ASTN2: variants seen among roughly 807,000 people sequenced by gnomAD.
ASTN2 encodes the protein astrotactin 2.
In ASTN2, 54 loss-of-function variants were observed where a neutral mutation model predicts 139.8. The observed-to-expected ratio is 0.39, with a 90% confidence interval of 0.31 to 0.48. The LOEUF is 0.48. ASTN2 is among the 20% of genes least tolerant of loss of function. The probability of loss-of-function intolerance (pLI) is 0.95; values close to 1 mark genes in which losing one functional copy is unlikely to be tolerated. For synonymous variants in ASTN2, 756 were observed against 719.5 expected (o/e 1.05, Z -0.81); for missense variants, 1,565 against 1,725.1 (o/e 0.91, Z 1.64).
chr9:117,199,848 C>T (rs1273118753), intron 3 of ASTN2, among the ~76,000 whole-genome samples: 1 of 151,892 alleles, frequency 6.6e-6, no homozygotes, highest in East Asian at 1.9e-4. Context: ...CCTTCACATC[C>T]CTTCTTAGCT....
chr9:116,618,701 GAATTTC>G (rs1205049519), intron 18 of ASTN2, among the ~76,000 whole-genome samples: 2 of 152,156 alleles, frequency 1.3e-5, no homozygotes, highest in African/African-American at 4.8e-5. Context: ...GATCAAAGTA[GAATTTC>G]ATAAATTAAT....
chr9:116,957,717 T>C (rs1189010417), intron 10 of ASTN2, among the ~76,000 whole-genome samples: 3 of 152,210 alleles, frequency 2.0e-5, no homozygotes, highest in African/African-American at 7.2e-5. Context: ...TCTGTTGCTC[T>C]GTCACCAGGC....
chr9:117,100,142 C>A (rs1427421543), intron 4 of ASTN2, among the ~76,000 whole-genome samples: 1 of 152,230 alleles, frequency 6.6e-6, no homozygotes, highest in Admixed American at 6.5e-5. Context: ...TTAGCAAGAT[C>A]TTTGTGACTC....
Position 116,465,904 on chromosome 9 carries a change from C to A in ASTN2, c.3497+21455G>T, listed in dbSNP as rs187086660. Among the ~76,000 whole-genome samples the A allele has an allele frequency of 2.6e-5, 4 of 152,278 alleles. No homozygotes were observed. The East Asian group carries it at 7.7e-4, about 29-fold the overall frequency. On this transcript the variant is annotated intron_variant, in intron 20 of 22. Transcript: ENST00000313400. The stretch of plus-strand genomic sequence containing the variant: ...ATAAAGAGCTCTGAAGCAAATGTGA[C>A]AGTACTGACATGCAGTAATCCTGAA...
intron 6 of ASTN2, among the ~76,000 whole-genome samples, chr9:117,011,800 T>C (rs1837546208): frequency 6.6e-6 from 1 of 152,202 alleles, no homozygotes; most frequent in Non-Finnish European, 1.5e-5. Flanking sequence ...AACCAGTAAG[T>C]GGCCAAAGTG....
intron 10 of ASTN2, among the ~76,000 whole-genome samples, chr9:116,923,539 T>A (rs972355856): frequency 2.6e-5 from 4 of 152,242 alleles, no homozygotes; most frequent in African/African-American, 9.6e-5. Flanking sequence ...TAGATAGCTA[T>A]ACAAAACTAT....
chr9:116,463,910 T>G (rs950040354), intron 20 of ASTN2, among the ~76,000 whole-genome samples: 54 of 143,976 alleles, frequency 3.8e-4, no homozygotes, highest in African/African-American at 1.3e-3. Flanking sequence ...AGTTTTGTGT[T>G]TTTTTTTTTT....
At chr9:116,475,206 G>A (rs1848940346) in intron 20 of ASTN2, among the ~76,000 whole-genome samples, 1 of 152,192 alleles carries the variant, frequency 6.6e-6, no homozygotes, top group Non-Finnish European at 1.5e-5. Context: ...CTTGGAAGAT[G>A]TATTAACACC....
chr9:116,655,864 C>A (rs1858179733), intron 16 of ASTN2, among the ~76,000 whole-genome samples: 1 of 146,488 alleles, frequency 6.8e-6, no homozygotes, highest in African/African-American at 2.6e-5. Flanking sequence ...CTAATGTTTT[C>A]TTGTGTTTTT....
At chr9:116,964,268 C>CGT (rs1491384155) in intron 10 of ASTN2, among the ~76,000 whole-genome samples, 7 of 146,114 alleles carry the variant, frequency 4.8e-5, no homozygotes, top group African/African-American at 7.6e-5. Context: ...CGCGCGCGCG[C>CGT]GTGTGTGTTG....
intron 1 of ASTN2, among the ~76,000 whole-genome samples, chr9:117,373,461 A>G (rs1214534755): frequency 1.3e-5 from 2 of 152,212 alleles, no homozygotes; most frequent in Admixed American, 6.5e-5. Flanking sequence ...GTAAACTATT[A>G]TCCATTGTAG....
chr9:117,005,534 C>T (rs566246910), intron 7 of ASTN2, among the ~76,000 whole-genome samples: 9 of 152,258 alleles, frequency 5.9e-5, no homozygotes, highest in Admixed American at 5.2e-4. Context: ...GGAAATGACA[C>T]AGCAAAGGTG....
chr9:117,348,794 A>T (rs1829302269), intron 1 of ASTN2, among the ~76,000 whole-genome samples: 1 of 152,060 alleles, frequency 6.6e-6, no homozygotes, highest in South Asian at 2.1e-4. Context: ...TCATTGCTAT[A>T]ACATTAGGTT....
intron 12 of ASTN2, among the ~76,000 whole-genome samples, chr9:116,816,827 A>G (rs890601919): frequency 1.3e-5 from 2 of 152,038 alleles, no homozygotes; most frequent in South Asian, 2.1e-4. Flanking sequence ...AGAGATGTCA[A>G]GATTTCACTG....
chr9:116,630,704 T>C (rs574305109), intron 17 of ASTN2, among the ~76,000 whole-genome samples: 1 of 152,026 alleles, frequency 6.6e-6, no homozygotes, highest in Non-Finnish European at 1.5e-5. Flanking sequence ...AATAGACAAA[T>C]AGGATTACAT....
chr9:116,815,817 A>AAAAAAAAC (rs1831309308), intron 12 of ASTN2, among the ~76,000 whole-genome samples: 1 of 137,704 alleles, frequency 7.3e-6, no homozygotes, highest in African/African-American at 3.2e-5. Flanking sequence ...AAAAAAAAAA[A>AAAAAAAAC]AAAAAAAAAA....
chr9:117,357,969 C>T (rs1490904126), intron 1 of ASTN2, among the ~76,000 whole-genome samples: 1 of 151,972 alleles, frequency 6.6e-6, no homozygotes, highest in Non-Finnish European at 1.5e-5. Context: ...CTTTTTTGGT[C>T]TTAGTTTTCA....
intron 1 of ASTN2, among the ~76,000 whole-genome samples, chr9:117,411,630 ATTC>A (rs945148214): frequency 1.3e-5 from 2 of 152,086 alleles, no homozygotes; most frequent in Admixed American, 6.5e-5. Context: ...TAAACTAAGA[ATTC>A]TTCTTTTTGT....
At chr9:116,458,152 CA>C (rs201036258) in intron 20 of ASTN2, among the ~76,000 whole-genome samples, 28 of 143,858 alleles carry the variant, frequency 1.9e-4, no homozygotes, top group Middle Eastern at 3.4e-3. Context: ...AAATTAAAAA[CA>C]AAAAAAAAAT....
Sources: gnomAD v4.1 joint callset for allele counts (sites outside exome capture counted in the v4.1 genomes callset) on GRCh38, gnomAD v4.1.1 for gene constraint, MANE v1.5 for transcripts, NCBI Gene and HGNC (gene_info 2026-07-23, HGNC 2026-07-21) for gene names.